The following CACNB2 variants were observed in gnomAD, a reference collection of about 807,000 sequenced individuals.
CACNB2 encodes the protein calcium voltage-gated channel auxiliary subunit beta 2.
In CACNB2, 42 loss-of-function variants were observed where a neutral mutation model predicts 73.3. That is an observed-to-expected ratio of 0.57 (90% CI 0.45 to 0.74). CACNB2 has a LOEUF of 0.74. Among genes scored for constraint, CACNB2 ranks in the 30% least tolerant of loss-of-function variants. CACNB2 has a pLI of 0.00. For synonymous variants in CACNB2, 348 were observed against 310.3 expected (o/e 1.12, Z -1.28); for missense variants, 940 against 853.0 (o/e 1.10, Z -1.27).
At chr10:18,360,434 G>T (rs1044558496) in intron 2 of CACNB2, among the ~76,000 whole-genome samples, 2 of 152,012 alleles carry the variant, frequency 1.3e-5, no homozygotes, top group African/African-American at 4.8e-5. Context: ...TTTGTTGCCC[G>T]GGCTGATCTT....
chr10:18,285,869 C>T (rs1340547598), intron 2 of CACNB2, among the ~76,000 whole-genome samples: 1 of 152,192 alleles, frequency 6.6e-6, no homozygotes, highest in Non-Finnish European at 1.5e-5. Context: ...CATAACCTTA[C>T]AGATGAAATT....
chr10:18,439,435 T>G (rs2046308209), intron 3 of CACNB2, among the ~76,000 whole-genome samples: 3 of 152,218 alleles, frequency 2.0e-5, no homozygotes, highest in Admixed American at 2.0e-4. Flanking sequence ...AGAGAATTTC[T>G]CCTGCATTTG....
chr10:18,482,982 G>A (rs572540744), intron 3 of CACNB2, among the ~76,000 whole-genome samples: 29 of 152,258 alleles, frequency 1.9e-4, no homozygotes, highest in African/African-American at 6.7e-4. Context: ...TTCCTCCCGT[G>A]TCTGCTCTTT....
chr10:18,540,331 ATAATATATAT>A lies in CACNB2; in HGVS notation c.*608_*617del, dbSNP rs2054002762. The A allele has an allele frequency of 6.7e-6, 1 of 149,500 alleles. No individual in the cohort carries two copies. The highest frequency in any genetic ancestry group is 2.1e-4 in the South Asian group (1 of 4,780). 9.3% of individuals were successfully genotyped at this position (149,500 alleles called of 1,614,324 possible). On this transcript the variant is annotated 3_prime_UTR_variant, in exon 14 of 14. Coordinates refer to ENST00000324631, the MANE Select transcript of CACNB2 (RefSeq NM_201596.3). ...AAACAAACACCTTCTTATTATATAT[ATAATATATAT>A]ATATATCAGTTTGATCACACTATTT...
intron 2 of CACNB2, among the ~76,000 whole-genome samples, chr10:18,254,127 G>T (rs1053555336): frequency 6.6e-6 from 1 of 152,144 alleles, no homozygotes; most frequent in African/African-American, 2.4e-5. Flanking sequence ...AAAGGAAAAA[G>T]GATGTTTGAG....
chr10:18,267,605 C>A (rs920595296), intron 2 of CACNB2, among the ~76,000 whole-genome samples: 1 of 151,604 alleles, frequency 6.6e-6, no homozygotes, highest in African/African-American at 2.4e-5. Flanking sequence ...GACTCCATCT[C>A]AAAAAAGAAA....
At chr10:18,240,026 G>A (rs2036588304) in intron 2 of CACNB2, among the ~76,000 whole-genome samples, 1 of 152,070 alleles carries the variant, frequency 6.6e-6, no homozygotes, top group Non-Finnish European at 1.5e-5. Context: ...CATGACTTTT[G>A]GGTAGCTTCA....
At chr10:18,428,712 G>T (rs1353738821) in intron 3 of CACNB2, among the ~76,000 whole-genome samples, 2 of 149,844 alleles carry the variant, frequency 1.3e-5, no homozygotes, top group Non-Finnish European at 3.0e-5. Flanking sequence ...AAAAAGGAAT[G>T]ATTTTATTTA....
intron 2 of CACNB2, among the ~76,000 whole-genome samples, chr10:18,238,783 ACTAC>A (rs1330299641): frequency 6.6e-6 from 1 of 152,260 alleles, no homozygotes; most frequent in Non-Finnish European, 1.5e-5. Context: ...GTGGAAAATT[ACTAC>A]AGGAAGATGC....
chr10:18,354,467 G>A (rs533556318), intron 2 of CACNB2, among the ~76,000 whole-genome samples: 58 of 152,272 alleles, frequency 3.8e-4, no homozygotes, highest in African/African-American at 1.3e-3. Flanking sequence ...GCAGCCGAGC[G>A]CAAGACAGTT....
chr10:18,189,146 A>T (rs555136308), intron 2 of CACNB2, among the ~76,000 whole-genome samples: 17 of 151,660 alleles, frequency 1.1e-4, no homozygotes, highest in Non-Finnish European at 1.9e-4. Flanking sequence ...TTGTTTTTTT[A>T]AAAAAAAATT....
intron 2 of CACNB2, among the ~76,000 whole-genome samples, chr10:18,375,239 T>A (rs1002230701): frequency 2.0e-5 from 3 of 152,022 alleles, no homozygotes; most frequent in Non-Finnish European, 4.4e-5. Context: ...GGGAGGTGAA[T>A]GTGTCCAAGT....
At chr10:18,303,767 A>G (rs1206092158) in intron 2 of CACNB2, among the ~76,000 whole-genome samples, 2 of 152,198 alleles carry the variant, frequency 1.3e-5, no homozygotes, top group East Asian at 3.9e-4. Flanking sequence ...TAGTTGTGGC[A>G]CTAGTTACTT....
At chr10:18,153,840 C>A (rs902960844) in intron 2 of CACNB2, among the ~76,000 whole-genome samples, 1 of 147,588 alleles carries the variant, frequency 6.8e-6, no homozygotes, top group Non-Finnish European at 1.5e-5. Context: ...CCTTGGTGTG[C>A]CAAAGTGCTG....
intron 2 of CACNB2, among the ~76,000 whole-genome samples, chr10:18,320,083 C>G (rs1373342813): frequency 6.6e-6 from 1 of 151,318 alleles, no homozygotes; most frequent in African/African-American, 2.4e-5. Context: ...ACTCCCCGAT[C>G]CACTTTCATG....
chr10:18,418,354 G>C (rs1182186353), intron 3 of CACNB2, among the ~76,000 whole-genome samples: 1 of 152,212 alleles, frequency 6.6e-6, no homozygotes, highest in Non-Finnish European at 1.5e-5. Flanking sequence ...GAAGGAAAAT[G>C]AATCGCACAA....
chr10:18,429,864 A>G (rs1472327382), intron 3 of CACNB2, among the ~76,000 whole-genome samples: 1 of 150,618 alleles, frequency 6.6e-6, no homozygotes, highest in African/African-American at 2.4e-5. Flanking sequence ...CCTGTATCCC[A>G]GGTACTCAGG....
At chr10:18,319,180 A>G (rs1003911320) in intron 2 of CACNB2, among the ~76,000 whole-genome samples, 1 of 152,216 alleles carries the variant, frequency 6.6e-6, no homozygotes, top group Admixed American at 6.5e-5. Context: ...CACAATAGCA[A>G]AGACTTGGAG....
At chr10:18,261,140 C>G in intron 2 of CACNB2, 1 of 1,527,470 alleles carries the variant, frequency 6.5e-7, no homozygotes, top group Non-Finnish European at 8.8e-7. Flanking sequence ...GAGGCAGAAG[C>G]TAAGTGATTT....
Sources: gnomAD v4.1 joint callset for allele counts (sites outside exome capture counted in the v4.1 genomes callset) on GRCh38, gnomAD v4.1.1 for gene constraint, MANE v1.5 for transcripts, NCBI Gene and HGNC (gene_info 2026-07-23, HGNC 2026-07-21) for gene names.